Variants in SLC44A3 observed in about 807,000 individuals in gnomAD.
SLC44A3 encodes the protein solute carrier family 44 member 3.
In SLC44A3, 74 loss-of-function variants were observed where a neutral mutation model predicts 75.4. The observed-to-expected ratio is 0.98, with a 90% CI of 0.81 to 1.19. SLC44A3 has a LOEUF of 1.19. SLC44A3 is among the 50% of genes most tolerant of loss of function. SLC44A3 has a pLI of 0.00. For missense variants in SLC44A3, 700 were observed against 778.6 expected (o/e 0.90, Z 1.20); for synonymous variants, 310 against 296.9 (o/e 1.04, Z -0.45).
chr1:94,872,076 T>C (rs1444044808), intron 12 of SLC44A3, among the ~76,000 whole-genome samples: 1 of 152,206 alleles, frequency 6.6e-6, no homozygotes, highest in Non-Finnish European at 1.5e-5. Flanking sequence ...ATGTTTTACT[T>C]CTGTTGAGTA....
chr1:94,821,990 C>T (rs889716982), intron 2 of SLC44A3, among the ~76,000 whole-genome samples: 4 of 152,140 alleles, frequency 2.6e-5, no homozygotes, highest in African/African-American at 9.7e-5. Flanking sequence ...TTGTTGCTTA[C>T]GTTGGAACTC....
rs763450851 is a variant in SLC44A3 at position 94,892,283 on chromosome 1, G to A, written c.1623G>A (p.Val541=). The A allele has an allele frequency of 6.2e-7, 1 of 1,613,372 alleles. No individual in the cohort carries two copies. Among genetic ancestry groups the A allele is most frequent in the South Asian group, 1.1e-5 (1 of 90,962 alleles). Reference sequence around the variant, plus strand: ...CAACAAACTCTTCTTTTGCACAGGTGTTAGTGGTGTGTTTCACTGTTTTTG... The same window carrying A: ...CAACAAACTCTTCTTTTGCACAGGTATTAGTGGTGTGTTTCACTGTTTTTG... ...FGDFIIFLGK[V]LVVCFTVFGG... Residue 541 remains valine, a splice_region_variant and synonymous_variant, in exon 14 of 15, where the codon GTG becomes GTA. Transcript: ENST00000271227.
chr1:94,854,726 C>T (rs969277417), intron 9 of SLC44A3, among the ~76,000 whole-genome samples: 9 of 144,126 alleles, frequency 6.2e-5, no homozygotes, highest in Non-Finnish European at 1.2e-4. Flanking sequence ...AAGCCCCCCG[C>T]GCCCCCCGGT....
chr1:94,894,912 T>C lies in SLC44A3; in HGVS notation c.1952T>C (p.Ile651Thr), dbSNP rs776111628. The C allele has an allele frequency of 8.1e-6, 13 of 1,609,786 alleles. No individual in the cohort carries two copies. The highest frequency in any genetic ancestry group is 1.3e-5 in the African/African-American group (1 of 74,626). The change falls in exon 15 of 15, where the codon ATT (isoleucine) becomes ACT (threonine). Residue 651 changes from isoleucine (I) to threonine (T), a missense_variant. Coordinates refer to ENST00000271227, the MANE Select transcript of SLC44A3 (RefSeq NM_001114106.3). ...GAGGAGGGAACAGAACTCCAGGCCATTGTGAGATAGATACCCATTTAGGTA... is the reference window on the plus strand; with the variant it reads ...GAGGAGGGAACAGAACTCCAGGCCACTGTGAGATAGATACCCATTTAGGTA... ...RNEEGTELQA[I>T]VR
Position 94,892,435 on chromosome 1 carries a change from C to T in SLC44A3, c.1775C>T (p.Ala592Val). 1 of 1,614,174 alleles carries T rather than the reference C, an allele frequency of 6.2e-7. No individual in the cohort carries two copies. Among genetic ancestry groups the T allele is most frequent in the South Asian group, 1.1e-5 (1 of 91,078 alleles). The change falls in exon 14 of 15, where the codon GCA becomes GTA. Residue 592 changes from alanine (A) to valine (V), a missense_variant. By Grantham distance (64) the Ala-to-Val change is moderately conservative. Coordinates refer to ENST00000271227, the MANE Select transcript of SLC44A3 (RefSeq NM_001114106.3). ...TCTGTGTTTGAAACTGTGCTGGATGCACTTTTCCTGTGTTTTGCTGTTGAT... is the reference window on the plus strand; with the variant it reads ...TCTGTGTTTGAAACTGTGCTGGATGTACTTTTCCTGTGTTTTGCTGTTGAT... ...FLSVFETVLD[A>V]LFLCFAVDLE...
At chr1:94,864,100 CT>C (rs947620212) in intron 10 of SLC44A3, among the ~76,000 whole-genome samples, 1 of 152,170 alleles carries the variant, frequency 6.6e-6, no homozygotes, top group Non-Finnish European at 1.5e-5. Flanking sequence ...TTCTTTCTCA[CT>C]TTTTTTTCCC....
Position 94,824,591 on chromosome 1 carries a change from C to T in SLC44A3, c.234C>T (p.Pro78=), listed in dbSNP as rs778120746. Residue 78 remains proline (P), a synonymous_variant, in exon 3 of 15, where the codon CCC becomes CCT. Coordinates refer to ENST00000271227, the MANE Select transcript of SLC44A3 (RefSeq NM_001114106.3). ...FGNMCGKKNS[P]VEGAPLSGQD... is the part of the protein sequence containing the mutation. Reference sequence around the variant, plus strand: ...ACATGTGTGGCAAGAAGAACTCCCCCGTGGAAGGGGCCCCTCTTTCAGGGC... The same window carrying T: ...ACATGTGTGGCAAGAAGAACTCCCCTGTGGAAGGGGCCCCTCTTTCAGGGC... 1.1e-5 allele frequency: 17 copies of T among 1,609,526 alleles called. No individual in the cohort carries two copies. The highest frequency in any genetic ancestry group is 2.2e-5 in the South Asian group (2 of 90,492).
intron 9 of SLC44A3, 29 bp from the exon 10 acceptor site, chr1:94,857,306 G>A (rs776096542): frequency 4.5e-6 from 7 of 1,569,780 alleles, no homozygotes; most frequent in Non-Finnish European, 6.0e-6. Context: ...AAACATTGGT[G>A]TAAAGCATGT....
At chr1:94,886,365 T>G (rs859067) in intron 12 of SLC44A3, among the ~76,000 whole-genome samples, 1 of 151,526 alleles carries the variant, frequency 6.6e-6, no homozygotes, top group Non-Finnish European at 1.5e-5. Flanking sequence ...CTTTCACTGC[T>G]CTTGCTCCAC....
chr1:94,857,278 C>G (rs1368492515), intron 9 of SLC44A3, 57 bp from the exon 10 acceptor site: 1 of 1,464,822 alleles, frequency 6.8e-7, no homozygotes, highest in Admixed American at 2.5e-5. Flanking sequence ...CTTGTTGAAC[C>G]ATGGTTCATG....
At chr1:94,873,795 G>A (rs1477254127) in intron 12 of SLC44A3, among the ~76,000 whole-genome samples, 2 of 152,196 alleles carry the variant, frequency 1.3e-5, no homozygotes, top group East Asian at 1.9e-4. Context: ...AGAGCAGCAT[G>A]TGCATCTCAG....
intron 12 of SLC44A3, among the ~76,000 whole-genome samples, chr1:94,884,327 C>T (rs1460243293): frequency 6.6e-6 from 1 of 152,200 alleles, no homozygotes; most frequent in Non-Finnish European, 1.5e-5. Flanking sequence ...AGGCTGTGCA[C>T]TGCCTCACTC....
At chr1:94,833,834 G>T (rs936759020) in intron 5 of SLC44A3, among the ~76,000 whole-genome samples, 1 of 152,156 alleles carries the variant, frequency 6.6e-6, no homozygotes, top group Non-Finnish European at 1.5e-5. Flanking sequence ...GTGCAGAGTA[G>T]ATTTTACTAT....
chr1:94,828,383 C>T lies in SLC44A3; in HGVS notation c.416-110C>T, dbSNP rs1248694982. 5 of 824,232 alleles carry T rather than the reference C, an allele frequency of 6.1e-6. No individual in the cohort carries two copies. In the East Asian group the frequency reaches 1.3e-4, roughly 21 times the overall value. 51.1% of individuals were successfully genotyped at this position (824,232 alleles called of 1,614,324 possible). A position where few individuals can be genotyped will look rare whatever the true frequency, so the allele number is the denominator to read the frequency against. On this transcript the variant is annotated intron_variant, in intron 4 of 14. Transcript: ENST00000271227. ...CTATTACTTTTGTGTTTCTGTCACCCATAGACCTTGTAGTTGATTCTTTCT... is the reference window on the plus strand; with the variant it reads ...CTATTACTTTTGTGTTTCTGTCACCTATAGACCTTGTAGTTGATTCTTTCT...
intron 9 of SLC44A3, among the ~76,000 whole-genome samples, chr1:94,851,686 C>T (rs1250047990): frequency 6.6e-6 from 1 of 152,084 alleles, no homozygotes; most frequent in Non-Finnish European, 1.5e-5. Flanking sequence ...TCTCTTTTTT[C>T]CTAATCCTCA....
chr1:94,867,675 T>C (rs1287873450), intron 12 of SLC44A3, among the ~76,000 whole-genome samples: 4 of 152,206 alleles, frequency 2.6e-5, no homozygotes, highest in Non-Finnish European at 5.9e-5. Context: ...TTGAATTTCA[T>C]ATGATTTTTA....
At chr1:94,878,507 C>G (rs950169445) in intron 12 of SLC44A3, among the ~76,000 whole-genome samples, 1 of 152,178 alleles carries the variant, frequency 6.6e-6, no homozygotes, top group Non-Finnish European at 1.5e-5. Flanking sequence ...AAAATAAATA[C>G]TAACTCAAAG....
chr1:94,824,370 C>T lies in SLC44A3; in HGVS notation c.136-123C>T, dbSNP rs115886860. On this transcript the variant is annotated intron_variant, in intron 2 of 14. Coordinates refer to ENST00000271227, the MANE Select transcript of SLC44A3 (RefSeq NM_001114106.3). ...TGACACTGTTACTGACGGAGCAAAG[C>T]GCTATGATGCTGGAGAGCTTCACGT... 981 of 1,171,366 alleles carry T rather than the reference C, an allele frequency of 8.4e-4. 5 individuals are homozygous for T. The African/African-American group carries it at 0.014, about 16-fold the overall frequency. 72.6% of individuals were successfully genotyped at this position (1,171,366 alleles called of 1,614,324 possible).
chr1:94,877,631 C>G (rs1393987836), intron 12 of SLC44A3, among the ~76,000 whole-genome samples: 1 of 152,026 alleles, frequency 6.6e-6, no homozygotes, highest in Non-Finnish European at 1.5e-5. Flanking sequence ...GAAGAGGAAG[C>G]GGCTAAGAGA....
Sources: gnomAD v4.1 joint callset for allele counts (sites outside exome capture counted in the v4.1 genomes callset) on GRCh38, gnomAD v4.1.1 for gene constraint, MANE v1.5 for transcripts, NCBI Gene and HGNC (gene_info 2026-07-23, HGNC 2026-07-21) for gene names.